The following CNTN4 variants were observed in gnomAD, a reference collection of about 807,000 sequenced individuals.
CNTN4 encodes the protein contactin-4.
A neutral mutation model predicts 122.5 loss-of-function variants in CNTN4; 77 were observed. The observed-to-expected ratio is 0.63, with a 90% confidence interval of 0.52 to 0.76. The LOEUF (loss-of-function observed/expected upper bound fraction) is 0.76. Among genes scored for constraint, CNTN4 ranks in the 30% least tolerant of loss-of-function variants. The probability of loss-of-function intolerance (pLI) is 0.00; values close to 1 mark genes in which losing one functional copy is unlikely to be tolerated. For missense variants in CNTN4, 1,256 were observed against 1,259.1 expected (o/e 1.00, Z 0.04); for synonymous variants, 512 against 447.0 (o/e 1.15, Z -1.83).
At chr3:3,042,755 G>A in intron 21 of CNTN4, 4 of 604,070 alleles carry the variant, frequency 6.6e-6, no homozygotes, top group Non-Finnish European at 8.8e-6. Context: ...CGACGGTTGT[G>A]TCAATGTACC....
At chr3:2,580,385 A>T (rs1181882536) in intron 4 of CNTN4, among the ~76,000 whole-genome samples, 1 of 152,282 alleles carries the variant, frequency 6.6e-6, no homozygotes, top group East Asian at 1.9e-4. Flanking sequence ...TTGTAAGAGG[A>T]TAGGGTTCCA....
At chr3:2,530,410 G>C (rs955561194) in intron 3 of CNTN4, among the ~76,000 whole-genome samples, 1 of 149,602 alleles carries the variant, frequency 6.7e-6, no homozygotes, top group Admixed American at 6.7e-5. Context: ...CTGGGTTCAA[G>C]CGATTCTCGT....
chr3:2,950,030 TTTTGCTTCGCAAAGATG>T (rs1434144363), intron 13 of CNTN4, among the ~76,000 whole-genome samples: 1 of 152,224 alleles, frequency 6.6e-6, no homozygotes, highest in African/African-American at 2.4e-5. Context: ...ATTTGAAACA[TTTTGCTTCGCAAAGATG>T]TTTGCATCCA....
intron 5 of CNTN4, among the ~76,000 whole-genome samples, chr3:2,736,550 G>A (rs575732260): frequency 1.3e-4 from 20 of 151,374 alleles, no homozygotes; most frequent in Middle Eastern, 3.4e-3. Flanking sequence ...CACAACCTCC[G>A]CCTCCCAGGT....
chr3:2,994,367 T>C (rs950355779), intron 14 of CNTN4, among the ~76,000 whole-genome samples: 2 of 152,012 alleles, frequency 1.3e-5, no homozygotes, highest in African/African-American at 4.8e-5. Context: ...AAAAAATAAA[T>C]TTATACTTTA....
chr3:2,242,541 T>C (rs991164938), intron 2 of CNTN4, among the ~76,000 whole-genome samples: 13 of 152,100 alleles, frequency 8.5e-5, no homozygotes, highest in African/African-American at 2.9e-4. Context: ...AGTTCTCCAG[T>C]GAGTTCATAG....
chr3:2,158,313 T>G (rs994657304), intron 2 of CNTN4, among the ~76,000 whole-genome samples: 2 of 152,220 alleles, frequency 1.3e-5, no homozygotes, highest in African/African-American at 4.8e-5. Flanking sequence ...TTGTCCATCA[T>G]TATTTCAGTA....
intron 4 of CNTN4, among the ~76,000 whole-genome samples, chr3:2,596,816 C>T (rs1456307598): frequency 6.6e-6 from 1 of 152,098 alleles, no homozygotes; most frequent in Non-Finnish European, 1.5e-5. Flanking sequence ...AATTTTAATA[C>T]AATAAATGCT....
chr3:2,971,319 TCTA>T (rs1692894700), intron 13 of CNTN4, among the ~76,000 whole-genome samples: 1 of 145,746 alleles, frequency 6.9e-6, no homozygotes, highest in South Asian at 2.1e-4. Context: ...TGTATATCTA[TCTA>T]TCTATATCTA....
rs1348924277 is a variant in CNTN4, at chr3:2,118,159, C to G, written c.-145+17520C>G. 2.0e-5 allele frequency among the ~76,000 whole-genome samples: 3 copies of G among 152,110 alleles called. No individual in the cohort carries two copies. The South Asian group carries it at 6.2e-4, about 32-fold the overall frequency. ...TTTAAACCTATAATAGTCCTGTGAG[C>G]TAGATGCTGTGATGACCCCTGGGTC... On this transcript the variant is annotated intron_variant, in intron 2 of 24. Coordinates refer to ENST00000418658, the MANE Select transcript of CNTN4 (RefSeq NM_175607.3).
At position 2,705,878 on chromosome 3, in the gene CNTN4, T is replaced by A. The variant is rs28448896; in HGVS notation, c.56-30337T>A. Among the ~76,000 whole-genome samples the A allele has an allele frequency of 7.0e-4, 43 of 61,248 alleles. No individual in the cohort carries two copies. In the South Asian group the frequency reaches 0.015, roughly 21 times the overall value. 40.2% of individuals were successfully genotyped at this position (61,248 alleles called of 152,430 possible). A position where few individuals can be genotyped will look rare whatever the true frequency, so the allele number is the denominator to read the frequency against. ...ATATGTGTTTATATATAATATATAT[T>A]TTTTATATAATATATAAAATATATA... On this transcript the variant is annotated intron_variant, in intron 4 of 24. Transcript: ENST00000418658.
At chr3:2,602,727 T>C (rs770818260) in intron 4 of CNTN4, among the ~76,000 whole-genome samples, 2 of 152,186 alleles carry the variant, frequency 1.3e-5, no homozygotes, top group Non-Finnish European at 2.9e-5. Context: ...GGAATTCTTA[T>C]GTATAGATAG....
intron 4 of CNTN4, among the ~76,000 whole-genome samples, chr3:2,599,964 T>A (rs973792389): frequency 6.6e-6 from 1 of 151,114 alleles, no homozygotes; most frequent in Non-Finnish European, 1.5e-5. Context: ...TCAACCTTCA[T>A]TTGGGGATTC....
rs542862519 is a variant in CNTN4 at position 2,335,047 on chromosome 3, G to A, written c.-144-4131G>A. On this transcript the variant is annotated intron_variant, in intron 2 of 24. Coordinates refer to ENST00000418658, the MANE Select transcript of CNTN4 (RefSeq NM_175607.3). The stretch of plus-strand genomic sequence containing the variant: ...TTGCTATTAGCTGAGAAGCTCTGCA[G>A]TCATTCATGGATTTCTGGTTCCTTT... Among the ~76,000 whole-genome samples the A allele has an allele frequency of 3.9e-5, 6 of 152,296 alleles. No individual in the cohort carries two copies. The South Asian group carries it at 1.0e-3, about 26-fold the overall frequency.
intron 4 of CNTN4, among the ~76,000 whole-genome samples, chr3:2,593,653 C>T (rs897442234): frequency 1.3e-5 from 2 of 152,134 alleles, no homozygotes; most frequent in Non-Finnish European, 2.9e-5. Context: ...GTTACTGCCA[C>T]AGCTTATACC....
At chr3:2,878,558 TG>T (rs2093872601) in intron 8 of CNTN4, among the ~76,000 whole-genome samples, 1 of 73,346 alleles carries the variant, frequency 1.4e-5, no homozygotes. Context: ...GCTCTCTGTG[TG>T]TGTGTGTGTG....
chr3:2,541,851 A>ACTGG (rs1559211499), intron 3 of CNTN4, among the ~76,000 whole-genome samples: 1 of 152,078 alleles, frequency 6.6e-6, no homozygotes, highest in Non-Finnish European at 1.5e-5. Flanking sequence ...TGCCATCTTG[A>ACTGG]CTGGCTCTCT....
chr3:3,029,755 G>C (rs1021029131), intron 15 of CNTN4, among the ~76,000 whole-genome samples: 1 of 152,142 alleles, frequency 6.6e-6, no homozygotes, highest in Non-Finnish European at 1.5e-5. Flanking sequence ...CTTTGTGCTG[G>C]AATTTCCTCA....
At chr3:3,023,152 G>T (rs972292660) in intron 14 of CNTN4, among the ~76,000 whole-genome samples, 1 of 152,172 alleles carries the variant, frequency 6.6e-6, no homozygotes, top group Non-Finnish European at 1.5e-5. Flanking sequence ...GAAAACAAGA[G>T]TACTGAACAA....
Sources: gnomAD v4.1 joint callset for allele counts (sites outside exome capture counted in the v4.1 genomes callset) on GRCh38, gnomAD v4.1.1 for gene constraint, MANE v1.5 for transcripts, NCBI Gene and HGNC (gene_info 2026-07-23, HGNC 2026-07-21) for gene names.